The following NT5DC1 variants were observed in gnomAD, a reference collection of about 807,000 sequenced individuals.
The protein encoded by NT5DC1 is 5'-nucleotidase domain containing 1.
A neutral mutation model predicts 59.4 loss-of-function variants in NT5DC1; 42 were observed. The observed-to-expected ratio is 0.71, with a 90% CI of 0.55 to 0.92. The LOEUF (loss-of-function observed/expected upper bound fraction) is 0.92, where lower values mean the gene tolerates loss of function less well. Among genes scored for constraint, NT5DC1 ranks in the 40% least tolerant of loss-of-function variants. The pLI is 0.00. For missense variants in NT5DC1, 501 were observed against 537.1 expected, an observed-to-expected ratio of 0.93 and a Z score of 0.66; for synonymous variants, 172 against 188.1, an observed-to-expected ratio of 0.91 and a Z score of 0.70.
In NT5DC1 at chr6:116,245,403, T is replaced by C. The variant is rs1311304872; in HGVS notation, c.*1379T>C. 1.3e-5 allele frequency: 2 copies of C among 152,626 alleles called. No homozygotes were observed. The highest frequency in any genetic ancestry group is 4.8e-5 in the African/African-American group (2 of 41,458). The allele number at this position is 152,626 out of a possible 1,614,324, so 9.5% of individuals were successfully genotyped here. A position where few individuals can be genotyped will look rare whatever the true frequency, so the allele number is the denominator to read the frequency against. On this transcript the variant is annotated 3_prime_UTR_variant, in exon 12 of 12. Coordinates refer to ENST00000319550, the MANE Select transcript of NT5DC1 (RefSeq NM_152729.3). ...GAAAGAAAAAAAATTTGTTAAAATT[T>C]GTAAATGTTCAGCTAAATCTCAGAT...
intron 8 of NT5DC1, among the ~76,000 whole-genome samples, chr6:116,227,542 AC>A (rs1247941261): frequency 6.6e-6 from 1 of 152,118 alleles, no homozygotes; most frequent in Admixed American, 6.5e-5. Context: ...GAACCTCCAC[AC>A]TTTTTTCCGT....
intron 6 of NT5DC1, among the ~76,000 whole-genome samples, chr6:116,139,523 T>G (rs563918833): frequency 1.3e-5 from 2 of 152,314 alleles, no homozygotes; most frequent in South Asian, 4.1e-4. Context: ...GATATTGAAC[T>G]GCATTTAAAA....
At chr6:116,129,070 T>TAATA (rs1055762346) in intron 6 of NT5DC1, among the ~76,000 whole-genome samples, 48 of 152,296 alleles carry the variant, frequency 3.2e-4, no homozygotes, top group African/African-American at 1.1e-3. Flanking sequence ...TCCCATATAT[T>TAATA]GTACCAATTT....
intron 6 of NT5DC1, among the ~76,000 whole-genome samples, chr6:116,151,689 A>G (rs1049468321): frequency 1.3e-5 from 2 of 152,180 alleles, no homozygotes; most frequent in Non-Finnish European, 2.9e-5. Flanking sequence ...CCATAATTTT[A>G]TATTTCTCTT....
chr6:116,138,854 A>G (rs1582828148), intron 6 of NT5DC1, among the ~76,000 whole-genome samples: 1 of 152,136 alleles, frequency 6.6e-6, no homozygotes, highest in Non-Finnish European at 1.5e-5. Context: ...GTAAGAATAG[A>G]TAGTGAATAT....
At position 116,237,052 on chromosome 6, in the gene NT5DC1, C is replaced by G. The variant is rs145868130; in HGVS notation, c.889C>G (p.Leu297Val). The G allele has an allele frequency of 6.2e-7, 1 of 1,612,988 alleles. No individual in the cohort carries two copies. Among genetic ancestry groups the G allele is most frequent in the East Asian group, 2.2e-5 (1 of 44,876 alleles). Residue 297 changes from leucine (L) to valine (V), a missense_variant, in exon 9 of 12, where the codon CTG (leucine) becomes GTG (valine). Transcript: ENST00000319550. Reference protein sequence around the residue: ...QGNAVHLYELLKKMTGKPEPK... With the variant: ...QGNAVHLYELVKKMTGKPEPK... ...GAACGCTGTCCACCTCTATGAACTT[C>G]TGAAGAAAATGACTGGCAAACCTGA... is the stretch of plus-strand genomic sequence containing the variant.
At chr6:116,103,227 TAACAG>T in intron 1 of NT5DC1, among the ~76,000 whole-genome samples, 1 of 152,292 alleles carries the variant, frequency 6.6e-6, no homozygotes, top group South Asian at 2.1e-4. Context: ...GGTATTTTAA[TAACAG>T]AATATGATAC....
At position 116,173,397 on chromosome 6, in the gene NT5DC1, G is replaced by A. The variant is rs531032447; in HGVS notation, c.530-47657G>A. ...CTCCCATCTGGGGTGGGAAAACACTGACGGTTCCTTCCAGCTGTGTGATTT... is the reference window on the plus strand; with the variant it reads ...CTCCCATCTGGGGTGGGAAAACACTAACGGTTCCTTCCAGCTGTGTGATTT... On this transcript the variant is annotated intron_variant, in intron 6 of 11. Transcript: ENST00000319550. Among the ~76,000 whole-genome samples the A allele has an allele frequency of 5.9e-5, 9 of 152,298 alleles. No homozygotes were observed. In the South Asian group the frequency reaches 1.9e-3, roughly 32 times the overall value.
At chr6:116,240,901 T>G (rs192614894) in intron 11 of NT5DC1, among the ~76,000 whole-genome samples, 2,200 of 152,242 alleles carry the variant, frequency 0.014, 25 homozygotes, top group Middle Eastern at 0.044. Context: ...CCCAGCACTT[T>G]GGGAGGCCGA....
intron 6 of NT5DC1, among the ~76,000 whole-genome samples, chr6:116,144,269 G>A (rs1378798619): frequency 1.3e-5 from 2 of 152,138 alleles, no homozygotes; most frequent in Admixed American, 1.3e-4. Context: ...TTGGGAGGCC[G>A]AGGCGGGCGG....
chr6:116,166,179 T>C (rs1201722219), intron 6 of NT5DC1, among the ~76,000 whole-genome samples: 1 of 152,142 alleles, frequency 6.6e-6, no homozygotes, highest in Admixed American at 6.5e-5. Flanking sequence ...GCGAGACTCT[T>C]GCTGCTTTCC....
At chr6:116,179,375 A>T (rs1780822855) in intron 6 of NT5DC1, among the ~76,000 whole-genome samples, 1 of 152,100 alleles carries the variant, frequency 6.6e-6, no homozygotes, top group Non-Finnish European at 1.5e-5. Flanking sequence ...TTTAGCATTC[A>T]TTCCTTTTCA....
At chr6:116,195,020 C>T (rs918984772) in intron 6 of NT5DC1, among the ~76,000 whole-genome samples, 3 of 152,058 alleles carry the variant, frequency 2.0e-5, no homozygotes, top group Non-Finnish European at 2.9e-5. Flanking sequence ...ACCTTCCTGC[C>T]ATCCATACTC....
intron 8 of NT5DC1, among the ~76,000 whole-genome samples, chr6:116,225,878 C>T (rs1431559681): frequency 6.6e-6 from 1 of 152,086 alleles, no homozygotes; most frequent in Non-Finnish European, 1.5e-5. Context: ...GGCAGTTTTG[C>T]CCTTCAGTGC....
chr6:116,193,070 C>T (rs796673440), intron 6 of NT5DC1, among the ~76,000 whole-genome samples: 15 of 152,172 alleles, frequency 9.9e-5, no homozygotes, highest in African/African-American at 3.4e-4. Context: ...AGAATAGCTC[C>T]GTGCCTTACA....
At chr6:116,120,304 A>G (rs766327112) in intron 6 of NT5DC1, 4 of 1,614,222 alleles carry the variant, frequency 2.5e-6, no homozygotes, top group South Asian at 2.2e-5. Flanking sequence ...TCCCTTTCAC[A>G]TGCACGTGGT....
chr6:116,135,861 A>ATATGTG (rs1779583618), intron 6 of NT5DC1, among the ~76,000 whole-genome samples: 1 of 123,572 alleles, frequency 8.1e-6, no homozygotes, highest in African/African-American at 3.2e-5. Context: ...ATATATATAT[A>ATATGTG]TATATATATA....
At chr6:116,113,229 AG>A (rs1475027795) in intron 4 of NT5DC1, among the ~76,000 whole-genome samples, 1 of 152,210 alleles carries the variant, frequency 6.6e-6, no homozygotes, top group African/African-American at 2.4e-5. Context: ...TCTTAGCATC[AG>A]TTTTCTCATC....
At chr6:116,212,098 A>G (rs1015423046) in intron 6 of NT5DC1, among the ~76,000 whole-genome samples, 14 of 152,090 alleles carry the variant, frequency 9.2e-5, no homozygotes, top group Non-Finnish European at 1.9e-4. Flanking sequence ...TTCTAATACT[A>G]TTTTATCAAT....
Sources: gnomAD v4.1 joint callset for allele counts (sites outside exome capture counted in the v4.1 genomes callset) on GRCh38, gnomAD v4.1.1 for gene constraint, MANE v1.5 for transcripts, NCBI Gene and HGNC (gene_info 2026-07-23, HGNC 2026-07-21) for gene names.